Variants in N4BP2L1 observed in about 807,000 individuals in gnomAD.
N4BP2L1 encodes the protein NEDD4 binding protein 2 like 1.
Under a neutral mutation model 21.2 loss-of-function variants are expected in N4BP2L1, and 12 were observed. The ratio of observed to expected loss-of-function variants is 0.57; its 90% confidence interval spans 0.36 to 0.92. The LOEUF (loss-of-function observed/expected upper bound fraction) is 0.92, where lower values mean the gene tolerates loss of function less well. N4BP2L1 is among the 40% of genes least tolerant of loss of function. The pLI is 0.01. For missense variants in N4BP2L1, 259 were observed against 310.6 expected, an observed-to-expected ratio of 0.83 and a Z score of 1.25; for synonymous variants, 104 against 112.8, an observed-to-expected ratio of 0.92 and a Z score of 0.49.
rs922358403 is a variant in N4BP2L1 at position 32,400,964 on chromosome 13, G to C, written c.*1978C>G. On this transcript the variant is annotated 3_prime_UTR_variant, in exon 5 of 5. Coordinates refer to ENST00000380130, the MANE Select transcript of N4BP2L1 (RefSeq NM_052818.3). ...GGTTTACAAACCAAATATTTCAGGG[G>C]TCAGCTAGGGAAAGAAGAGACATTA... is the stretch of plus-strand genomic sequence containing the variant. The C allele has an allele frequency of 3.3e-5, 5 of 152,118 alleles. No individual in the cohort carries two copies. Among genetic ancestry groups the C allele is most frequent in the Non-Finnish European group, 7.3e-5 (5 of 68,044 alleles). The allele number at this position is 152,118 out of a possible 1,614,324, so 9.4% of individuals were successfully genotyped here. A position where few individuals can be genotyped will look rare whatever the true frequency, so the allele number is the denominator to read the frequency against.
intron 1 of N4BP2L1, among the ~76,000 whole-genome samples, chr13:32,424,586 T>G (rs977993120): frequency 1.3e-5 from 2 of 152,206 alleles, no homozygotes; most frequent in African/African-American, 4.8e-5. Flanking sequence ...CACCTCGGCC[T>G]CCCAAAGTGC....
intron 1 of N4BP2L1, among the ~76,000 whole-genome samples, chr13:32,414,947 A>G (rs1328568377): frequency 6.6e-6 from 1 of 152,214 alleles, no homozygotes; most frequent in Non-Finnish European, 1.5e-5. Context: ...GATGAGAATT[A>G]CTGAACTACA....
upstream of N4BP2L1, chr13:32,428,224 G>A (rs1221378045): frequency 4.9e-6 from 4 of 814,050 alleles, no homozygotes; most frequent in Non-Finnish European, 5.2e-6. Context: ...CTTTCCACCC[G>A]CCGGAACCGT....
intron 1 of N4BP2L1, among the ~76,000 whole-genome samples, chr13:32,423,932 T>C (rs2074625748): frequency 6.6e-6 from 1 of 152,192 alleles, no homozygotes; most frequent in Admixed American, 6.5e-5. Flanking sequence ...ATGGTTTAAA[T>C]GGTCAAAACC....
At chr13:32,428,310 C>A (rs975270960), upstream of N4BP2L1, 7 of 379,374 alleles carry the variant, frequency 1.8e-5, no homozygotes, top group Non-Finnish European at 2.8e-5. Flanking sequence ...ACAAGGGTGA[C>A]GCACCCACTC....
In N4BP2L1 at chr13:32,402,622, T is replaced by C; in HGVS notation, c.*320A>G. ...AGAGCAAATGGTACTGAAGCTTATA[T>C]ATAATATAAACACTTTATTTCATCT... On this transcript the variant is annotated 3_prime_UTR_variant, in exon 5 of 5. Transcript: ENST00000380130. 9.5e-7 allele frequency: 1 copy of C among 1,047,656 alleles called. No individual in the cohort carries two copies. The highest frequency in any genetic ancestry group is 1.2e-6 in the Non-Finnish European group (1 of 868,518). The allele number at this position is 1,047,656 out of a possible 1,614,324, so 64.9% of individuals were successfully genotyped here.
rs576954299 is a variant in N4BP2L1, at chr13:32,401,031, T to C, written c.*1911A>G. On this transcript the variant is annotated 3_prime_UTR_variant, in exon 5 of 5. Coordinates refer to ENST00000380130, the MANE Select transcript of N4BP2L1 (RefSeq NM_052818.3). Reference sequence around the variant, plus strand: ...ATTCTTTAGAGCTCTAGAAAAGTTATGTAACCCAGAGCCACTTCTCCATAG... The same window carrying C: ...ATTCTTTAGAGCTCTAGAAAAGTTACGTAACCCAGAGCCACTTCTCCATAG... 2.6e-5 allele frequency: 4 copies of C among 152,326 alleles called. No individual in the cohort carries two copies. The East Asian group carries it at 5.8e-4, about 22-fold the overall frequency. 9.4% of individuals were successfully genotyped at this position (152,326 alleles called of 1,614,324 possible). A position where few individuals can be genotyped will look rare whatever the true frequency, so the allele number is the denominator to read the frequency against.
intron 4 of N4BP2L1, 91 bp from the exon 5 acceptor site, chr13:32,403,291 G>C (rs948888969): frequency 7.5e-7 from 1 of 1,342,146 alleles, no homozygotes; most frequent in Non-Finnish European, 1.0e-6. Flanking sequence ...AGATATTGCA[G>C]TCCCTGTTCT....
At chr13:32,404,068 G>T in intron 4 of N4BP2L1, 1 of 1,221,304 alleles carries the variant, frequency 8.2e-7, no homozygotes. Flanking sequence ...AAGCATTTTA[G>T]CAGAATGTTA....
At chr13:32,404,517 C>T in intron 3 of N4BP2L1, 120 bp from the exon 4 acceptor site, 1 of 678,384 alleles carries the variant, frequency 1.5e-6, no homozygotes. Flanking sequence ...TACCAGTAAT[C>T]CAATGCCTTA....
chr13:32,416,644 T>C (rs1170624349), intron 1 of N4BP2L1: 2 of 152,194 alleles, frequency 1.3e-5, no homozygotes, highest in African/African-American at 2.4e-5. Flanking sequence ...TCTGATAGAA[T>C]ACATGTTCCA....
chr13:32,425,852 C>T lies in N4BP2L1; in HGVS notation c.179+2052G>A, dbSNP rs374005116. On this transcript the variant is annotated intron_variant, in intron 1 of 4. Transcript: ENST00000380130. ...AGTCACATGTAAGGAACATAAGGCC[C>T]GGAAAAACTAGATGACTGACCAAAG... is the stretch of plus-strand genomic sequence containing the variant. 5 of 151,804 alleles carry T rather than the reference C, an allele frequency of 3.3e-5. No homozygotes were observed. In the South Asian group the frequency reaches 6.3e-4, roughly 19 times the overall value. The allele number at this position is 151,804 out of a possible 1,614,324, so 9.4% of individuals were successfully genotyped here.
Position 32,403,040 on chromosome 13 carries a change from A to G in N4BP2L1, c.634T>C (p.Trp212Arg), listed in dbSNP as rs780334050. The G allele has an allele frequency of 1.1e-5, 17 of 1,613,992 alleles. No homozygotes were observed. The highest frequency in any genetic ancestry group is 6.7e-5 in the Admixed American group (4 of 59,998). ...NALPSNNARY[W>R]NSYTEFPNRR... is the part of the protein sequence containing the mutation. Reference sequence around the variant, plus strand: ...TTTGGAAACTCTGTGTAGGAATTCCAGTATCTGGCATTGTTGGAAGGCAAT... The same window carrying G: ...TTTGGAAACTCTGTGTAGGAATTCCGGTATCTGGCATTGTTGGAAGGCAAT... The change falls in exon 5 of 5, where the codon TGG becomes CGG. Residue 212 changes from tryptophan (W) to arginine (R), a missense_variant. Physicochemically the swap from Trp to Arg is moderately radical, Grantham distance 101 (BLOSUM62 -3). Transcript: ENST00000380130.
At chr13:32,410,764 TTAAA>T (rs901889733) in intron 1 of N4BP2L1, among the ~76,000 whole-genome samples, 2 of 152,318 alleles carry the variant, frequency 1.3e-5, no homozygotes, top group Admixed American at 1.3e-4. Context: ...TGTTCAGAGA[TTAAA>T]TAATAGTGTA....
At chr13:32,409,906 T>C (rs1368833734) in intron 1 of N4BP2L1, among the ~76,000 whole-genome samples, 1 of 152,184 alleles carries the variant, frequency 6.6e-6, no homozygotes, top group Non-Finnish European at 1.5e-5. Flanking sequence ...CAAATCTGAC[T>C]GCCACACAAT....
rs2073126106 is a variant in N4BP2L1 at position 32,401,477 on chromosome 13, G to T, written c.*1465C>A. The T allele has an allele frequency of 6.6e-6, 1 of 152,192 alleles. No homozygotes were observed. Among genetic ancestry groups the T allele is most frequent in the African/African-American group, 2.4e-5 (1 of 41,458 alleles). The allele number at this position is 152,192 out of a possible 1,614,324, so 9.4% of individuals were successfully genotyped here. A position where few individuals can be genotyped will look rare whatever the true frequency, so the allele number is the denominator to read the frequency against. Reference sequence around the variant, plus strand: ...GAAAACATTACACATGGTGTTGGTAGTCATGGAGATGTCGAGCAGGTTTCA... The same window carrying T: ...GAAAACATTACACATGGTGTTGGTATTCATGGAGATGTCGAGCAGGTTTCA... On this transcript the variant is annotated 3_prime_UTR_variant, in exon 5 of 5. Transcript: ENST00000380130.
At chr13:32,423,593 T>C (rs1447028989) in intron 1 of N4BP2L1, among the ~76,000 whole-genome samples, 1 of 152,202 alleles carries the variant, frequency 6.6e-6, no homozygotes, top group Non-Finnish European at 1.5e-5. Context: ...AATATTTTAT[T>C]GAGATACAAA....
Position 32,402,216 on chromosome 13 carries a change from T to C in N4BP2L1, c.*726A>G, listed in dbSNP as rs536394316. ...CTATTAGCACAACAGCCAAAAGTTA[T>C]TCAGGTTTAATCCTGCTGAATAAAG... On this transcript the variant is annotated 3_prime_UTR_variant, in exon 5 of 5. Transcript: ENST00000380130. 3.3e-3 allele frequency: 3,229 copies of C among 971,194 alleles called. 8 individuals carry two copies. Among genetic ancestry groups the C allele is most frequent in the Non-Finnish European group, 3.8e-3 (3,100 of 816,980 alleles). The allele number at this position is 971,194 out of a possible 1,614,324, so 60.2% of individuals were successfully genotyped here.
At chr13:32,427,174 TTGGGC>T (rs2074817280) in intron 1 of N4BP2L1, among the ~76,000 whole-genome samples, 1 of 152,198 alleles carries the variant, frequency 6.6e-6, no homozygotes, top group East Asian at 1.9e-4. Flanking sequence ...GTGAACGAAT[TTGGGC>T]GCCCATGGCG....
Sources: allele counts gnomAD v4.1 joint callset (sites outside exome capture counted in the v4.1 genomes callset), GRCh38; gene constraint gnomAD v4.1.1; transcripts MANE v1.5; gene names NCBI Gene and HGNC (gene_info 2026-07-23, HGNC 2026-07-21).